CCDC38: variants seen among roughly 807,000 people sequenced by gnomAD.
The protein encoded by CCDC38 is coiled-coil domain containing 38.
A neutral mutation model predicts 72.8 loss-of-function variants in CCDC38; 69 were observed. That is an observed-to-expected ratio of 0.95 (90% CI 0.78 to 1.16). CCDC38 has a LOEUF of 1.16. Ranked by LOEUF, CCDC38 falls within the 50% of genes most tolerant of loss-of-function variation. CCDC38 has a pLI of 0.00. For missense variants in CCDC38, 626 were observed against 638.9 expected (o/e 0.98, Z 0.22); for synonymous variants, 201 against 213.2 (o/e 0.94, Z 0.50).
At chr12:95,905,234 T>A (rs992036213) in intron 5 of CCDC38, among the ~76,000 whole-genome samples, 5 of 152,218 alleles carry the variant, frequency 3.3e-5, no homozygotes, top group African/African-American at 1.2e-4. Context: ...AATTCTCAGA[T>A]GCTGAACCTG....
Position 95,879,811 on chromosome 12 carries a change from T to A in CCDC38, c.991-16A>T. 1 of 1,570,430 alleles carries A rather than the reference T, an allele frequency of 6.4e-7. No individual in the cohort carries two copies. The highest frequency in any genetic ancestry group is 8.6e-7 in the Non-Finnish European group (1 of 1,157,912). On this transcript the variant is annotated splice_polypyrimidine_tract_variant and intron_variant, in intron 11 of 15. Coordinates refer to ENST00000344280, the MANE Select transcript of CCDC38 (RefSeq NM_182496.3). The surrounding 1 kb of genome is among the most constrained non-coding windows in gnomAD (Gnocchi z 5.5). Reference sequence around the variant, plus strand: ...GTGCTGGCTCCTAATTAATCAATAATGAAGAATATAATTTACTTAAAAATA... The same window carrying A: ...GTGCTGGCTCCTAATTAATCAATAAAGAAGAATATAATTTACTTAAAAATA...
intron 13 of CCDC38, among the ~76,000 whole-genome samples, chr12:95,876,811 AAATC>A (rs2079640915): frequency 6.6e-6 from 1 of 152,182 alleles, no homozygotes; most frequent in Non-Finnish European, 1.5e-5. Context: ...TTCTGTTTGA[AAATC>A]AAGTTCATAT....
At chr12:95,905,898 T>C (rs1436125) in intron 5 of CCDC38, among the ~76,000 whole-genome samples, 85,317 of 151,940 alleles carry the variant, frequency 0.56, 25,764 homozygotes, top group African/African-American at 0.77. Flanking sequence ...AAAGACTCCA[T>C]AAGGGACCTG....
At chr12:95,895,801 T>C (rs1209951865) in intron 7 of CCDC38, among the ~76,000 whole-genome samples, 1 of 143,964 alleles carries the variant, frequency 6.9e-6, no homozygotes, top group African/African-American at 2.6e-5. Flanking sequence ...CTCACCCCTG[T>C]AATCCCAGGA....
At chr12:95,917,432 A>C (rs1031299766) in intron 3 of CCDC38, 138 bp from the exon 4 acceptor site, 4 of 657,560 alleles carry the variant, frequency 6.1e-6, no homozygotes, top group Non-Finnish European at 9.8e-6. Context: ...TTCTCTTTGA[A>C]GGAATGTGTG....
At chr12:95,889,537 G>T (rs946118142) in intron 9 of CCDC38, among the ~76,000 whole-genome samples, 3 of 152,090 alleles carry the variant, frequency 2.0e-5, no homozygotes, top group African/African-American at 4.8e-5. Context: ...CAACACAAAA[G>T]AATTTACTTT....
At chr12:95,914,489 G>A (rs978223635) in intron 4 of CCDC38, among the ~76,000 whole-genome samples, 19 of 151,968 alleles carry the variant, frequency 1.3e-4, no homozygotes, top group Admixed American at 3.3e-4. Flanking sequence ...TAATGTCTCC[G>A]TCACTGGAGT....
chr12:95,869,539 G>A lies in CCDC38; in HGVS notation c.1519C>T (p.His507Tyr). The A allele has an allele frequency of 6.2e-7, 1 of 1,613,410 alleles. No individual in the cohort carries two copies. Among genetic ancestry groups the A allele is most frequent in the Non-Finnish European group, 8.5e-7 (1 of 1,179,828 alleles). Reference protein sequence around the residue: ...RDEKMKEKQRHQQERLKAALE... With the variant: ...RDEKMKEKQRYQQERLKAALE... ...GCAGCTTTTAGCCTTTCCTGTTGGT[G>A]TCTTTGTTTTTCTTTCATTTTCTCA... Residue 507 changes from histidine to tyrosine, a missense_variant, in exon 15 of 16, where the codon CAC becomes TAC. His to Tyr is a moderately conservative substitution (Grantham distance 83, BLOSUM62 2). Transcript: ENST00000344280.
At position 95,918,915 on chromosome 12, in the gene CCDC38, G is replaced by C. The variant is rs771067919; in HGVS notation, c.99C>G (p.Leu33=). Residue 33 remains leucine, a synonymous_variant, in exon 3 of 16, where the codon CTC becomes CTG. Transcript: ENST00000344280. ...CCATTTCATTTTCTTTGACAAGAAA[G>C]AGATCTCTGAAAAAGATCTTATAAG... The part of the protein sequence containing the change: ...DRPYKIFFRD[L]FLVKENEMAA... 6.2e-7 allele frequency: 1 copy of C among 1,612,588 alleles called. No homozygotes were observed. The highest frequency in any genetic ancestry group is 1.1e-5 in the South Asian group (1 of 91,022).
At chr12:95,904,720 C>A (rs1423330554) in intron 5 of CCDC38, among the ~76,000 whole-genome samples, 1 of 152,210 alleles carries the variant, frequency 6.6e-6, no homozygotes, top group East Asian at 1.9e-4. Flanking sequence ...TGTGGTTGAT[C>A]TGTCTCCAGT....
At chr12:95,935,568 GT>G in intron 2 of CCDC38, 1 of 284,194 alleles carries the variant, frequency 3.5e-6, no homozygotes, top group Non-Finnish European at 7.2e-6. Flanking sequence ...AGCCACAGTT[GT>G]TTTATATTTT....
rs1412241000 is a variant in CCDC38, at chr12:95,888,476, G to C, written c.902C>G (p.Pro301Arg). Residue 301 changes from proline (P) to arginine (R), a missense_variant, in exon 10 of 16, where the codon CCA (proline) becomes CGA (arginine). Transcript: ENST00000344280. The part of the protein sequence containing the change: ...GKPSRSLTRT[P>R]EKKKSNLAES... Reference sequence around the variant, plus strand: ...ACTGTACTTTGATTTCTTTTTCTCTGGAGTGCGAGTCAGGCTTCTGCTTGG... The same window carrying C: ...ACTGTACTTTGATTTCTTTTTCTCTCGAGTGCGAGTCAGGCTTCTGCTTGG... 1 of 1,614,036 alleles carries C rather than the reference G, an allele frequency of 6.2e-7. No homozygotes were observed.
chr12:95,890,976 G>A (rs547953917), intron 8 of CCDC38, 46 bp from the exon 9 acceptor site: 33 of 1,053,326 alleles, frequency 3.1e-5, no homozygotes, highest in Admixed American at 5.5e-5. Context: ...AAGATGGGGG[G>A]AAAAAAACAC....
At position 95,879,348 on chromosome 12, in the gene CCDC38, C is replaced by T. The variant is rs1192776321; in HGVS notation, c.1142+296G>A. Among the ~76,000 whole-genome samples, 1 of 152,136 alleles carries T rather than the reference C, an allele frequency of 6.6e-6. No homozygotes were observed. The highest frequency in any genetic ancestry group is 1.5e-5 in the Non-Finnish European group (1 of 68,026). Reference sequence around the variant, plus strand: ...GTGATAGGGCGAAAACTATACCGGACAAAAGTTAAGGCAGTAGGTACCATT... The same window carrying T: ...GTGATAGGGCGAAAACTATACCGGATAAAAGTTAAGGCAGTAGGTACCATT... On this transcript the variant is annotated intron_variant, in intron 12 of 15. Coordinates refer to ENST00000344280, the MANE Select transcript of CCDC38 (RefSeq NM_182496.3). This position sits in a 1 kb window ranked among gnomAD's most constrained non-coding sequence, Gnocchi z 5.5.
At chr12:95,867,908 A>G (rs763251016) in intron 15 of CCDC38, among the ~76,000 whole-genome samples, 14 of 152,202 alleles carry the variant, frequency 9.2e-5, no homozygotes, top group Non-Finnish European at 1.6e-4. Flanking sequence ...AAAAGGCACT[A>G]TTGACATTGT....
At chr12:95,867,479 G>A (rs1278793700) in intron 15 of CCDC38, among the ~76,000 whole-genome samples, 1 of 152,174 alleles carries the variant, frequency 6.6e-6, no homozygotes, top group Non-Finnish European at 1.5e-5. Context: ...TTCAAATGTG[G>A]TCAGCCTAGA....
At chr12:95,901,274 G>A (rs965172499) in intron 5 of CCDC38, among the ~76,000 whole-genome samples, 3 of 152,192 alleles carry the variant, frequency 2.0e-5, no homozygotes, top group Admixed American at 6.5e-5. Context: ...AAATGGAATT[G>A]CTATTTAGTG....
At chr12:95,872,558 T>G in intron 13 of CCDC38, 98 bp from the exon 14 acceptor site, 1 of 755,614 alleles carries the variant, frequency 1.3e-6, no homozygotes, top group Non-Finnish European at 2.2e-6. Flanking sequence ...TATATGCTAT[T>G]AAATGTTTAC....
intron 11 of CCDC38, among the ~76,000 whole-genome samples, chr12:95,880,686 T>C (rs2079690606): frequency 6.6e-6 from 1 of 150,940 alleles, no homozygotes; most frequent in South Asian, 2.1e-4. Flanking sequence ...TCCTGTCATA[T>C]GCTATAACAT....
Sources: gnomAD v4.1 joint callset for allele counts (sites outside exome capture counted in the v4.1 genomes callset) on GRCh38, gnomAD v4.1.1 for gene constraint, Gnocchi (gnomAD v3.1) non-coding constraint, MANE v1.5 for transcripts, NCBI Gene and HGNC (gene_info 2026-07-23, HGNC 2026-07-21) for gene names.